The following ROBO1 variants were observed in gnomAD, a reference collection of about 807,000 sequenced individuals.
The protein encoded by ROBO1 is roundabout homolog 1.
In ROBO1, 149 loss-of-function variants were observed where a neutral mutation model predicts 195.9. The observed-to-expected ratio is 0.76, with a 90% CI of 0.67 to 0.87. The LOEUF (loss-of-function observed/expected upper bound fraction) is 0.87. Ranked by LOEUF, ROBO1 falls within the 40% of genes least tolerant of loss-of-function variation. ROBO1 has a pLI of 0.00. For synonymous variants in ROBO1, 816 were observed against 733.2 expected, an observed-to-expected ratio of 1.11 and a Z score of -1.82; for missense variants, 1,933 against 2,068.3, an observed-to-expected ratio of 0.93 and a Z score of 1.27.
chr3:79,178,690 G>A (rs562710660), intron 2 of ROBO1, among the ~76,000 whole-genome samples: 2 of 152,284 alleles, frequency 1.3e-5, no homozygotes, highest in Admixed American at 1.3e-4. Context: ...TTACTGCCAG[G>A]AGCTGCTGGG....
At chr3:78,627,709 G>T in intron 25 of ROBO1, 140 bp from the exon 26 acceptor site, 1 of 944,790 alleles carries the variant, frequency 1.1e-6, no homozygotes, top group Non-Finnish European at 1.5e-6. Flanking sequence ...ATTGAAAAAG[G>T]TTTTACCTCA....
At chr3:79,485,435 T>G (rs1939107825) in intron 2 of ROBO1, among the ~76,000 whole-genome samples, 1 of 152,156 alleles carries the variant, frequency 6.6e-6, no homozygotes, top group African/African-American at 2.4e-5. Flanking sequence ...AAGATTAAAA[T>G]AAAAACCATA....
intron 2 of ROBO1, among the ~76,000 whole-genome samples, chr3:79,191,780 G>C (rs910544514): frequency 6.6e-6 from 1 of 150,998 alleles, no homozygotes; most frequent in Non-Finnish European, 1.5e-5. Flanking sequence ...AAAATCAAAG[G>C]GTATCTTTTT....
At chr3:79,435,826 A>T (rs2038864840) in intron 2 of ROBO1, among the ~76,000 whole-genome samples, 1 of 152,170 alleles carries the variant, frequency 6.6e-6, no homozygotes, top group Non-Finnish European at 1.5e-5. Flanking sequence ...GCCAAGAGCA[A>T]AGTGAATGTA....
chr3:79,673,714 T>A lies in ROBO1; in HGVS notation c.-50-83753A>T, dbSNP rs116769164. Among the ~76,000 whole-genome samples, 1,154 of 152,154 alleles carry A rather than the reference T, an allele frequency of 7.6e-3. 15 individuals are homozygous for A. Among genetic ancestry groups the A allele is most frequent in the African/African-American group, 0.025 (1,036 of 41,560 alleles). On this transcript the variant is annotated intron_variant, in intron 1 of 30. Coordinates refer to ENST00000464233, the MANE Select transcript of ROBO1 (RefSeq NM_002941.4). ...ATTCGTCTGAGGTATTTTTGGCTTT[T>A]TAATTCAATCATTTCTAAACCAGAG...
intron 23 of ROBO1, 49 bp downstream of exon 23, chr3:78,635,724 C>A: frequency 6.7e-7 from 1 of 1,482,060 alleles, no homozygotes; most frequent in African/African-American, 1.4e-5. Context: ...AGTCGAGGTG[C>A]TGAGAGTATC....
chr3:79,021,485 T>C (rs1483781006), intron 3 of ROBO1, among the ~76,000 whole-genome samples: 1 of 152,120 alleles, frequency 6.6e-6, no homozygotes, highest in Admixed American at 6.5e-5. Context: ...AGGATCCCTA[T>C]TGCATTGTTC....
chr3:79,480,872 T>C (rs1017731068), intron 2 of ROBO1, among the ~76,000 whole-genome samples: 6 of 152,112 alleles, frequency 3.9e-5, no homozygotes, highest in Non-Finnish European at 5.9e-5. Flanking sequence ...ATGATTTCAT[T>C]TTATTTCTAA....
At chr3:78,918,204 C>A (rs923004869) in intron 4 of ROBO1, among the ~76,000 whole-genome samples, 3 of 152,088 alleles carry the variant, frequency 2.0e-5, no homozygotes, top group Non-Finnish European at 4.4e-5. Flanking sequence ...TAAAATAATT[C>A]TAATTTATTC....
intron 1 of ROBO1, among the ~76,000 whole-genome samples, chr3:79,591,939 T>C (rs1289818849): frequency 6.6e-6 from 1 of 151,782 alleles, no homozygotes; most frequent in East Asian, 1.9e-4. Flanking sequence ...ACCCTAGACC[T>C]CTGATTTCTT....
intron 2 of ROBO1, among the ~76,000 whole-genome samples, chr3:79,410,746 A>G (rs2037735413): frequency 6.6e-6 from 1 of 152,098 alleles, no homozygotes; most frequent in South Asian, 2.1e-4. Flanking sequence ...AAGGTCCAGT[A>G]ATAATTTGGT....
chr3:79,201,274 C>G (rs554635762), intron 2 of ROBO1, among the ~76,000 whole-genome samples: 1 of 152,038 alleles, frequency 6.6e-6, no homozygotes, highest in South Asian at 2.1e-4. Context: ...AACTGCAAAC[C>G]TTTCAGATAG....
At chr3:79,668,404 A>G (rs1222739626) in intron 1 of ROBO1, among the ~76,000 whole-genome samples, 1 of 105,900 alleles carries the variant, frequency 9.4e-6, no homozygotes, top group Non-Finnish European at 1.9e-5. Context: ...TGACTAGATT[A>G]TAAATAAGTC....
chr3:78,986,440 T>C (rs1042784251), intron 3 of ROBO1, among the ~76,000 whole-genome samples: 1 of 151,942 alleles, frequency 6.6e-6, no homozygotes, highest in African/African-American at 2.4e-5. Context: ...TCAACCATAC[T>C]GGCCAAATCC....
At chr3:79,390,600 T>C (rs1031916596) in intron 2 of ROBO1, among the ~76,000 whole-genome samples, 1 of 152,170 alleles carries the variant, frequency 6.6e-6, no homozygotes, top group Non-Finnish European at 1.5e-5. Context: ...CCAGTGATGC[T>C]GAGCAGCCTT....
At chr3:79,020,322 C>A (rs542628863) in intron 3 of ROBO1, among the ~76,000 whole-genome samples, 1 of 152,284 alleles carries the variant, frequency 6.6e-6, no homozygotes. Context: ...ACAAAAAATA[C>A]ACAAAGCAAA....
chr3:79,461,218 C>T (rs1367966424), intron 2 of ROBO1, among the ~76,000 whole-genome samples: 1 of 152,056 alleles, frequency 6.6e-6, no homozygotes, highest in Non-Finnish European at 1.5e-5. Flanking sequence ...TTCTTTGACA[C>T]TCTAAGAGAA....
At chr3:78,849,830 T>TTACACA (rs201665469) in intron 4 of ROBO1, among the ~76,000 whole-genome samples, 49,737 of 101,924 alleles carry the variant, frequency 0.49, 9,688 homozygotes, top group Non-Finnish European at 0.52. Context: ...CTCTCTCCCA[T>TTACACA]TACACACACA....
intron 2 of ROBO1, among the ~76,000 whole-genome samples, chr3:79,566,168 A>C (rs1943084106): frequency 6.6e-6 from 1 of 152,134 alleles, no homozygotes; most frequent in African/African-American, 2.4e-5. Flanking sequence ...TAGACCAAAA[A>C]GAAAAGTCTT....
Sources: allele counts gnomAD v4.1 joint callset (sites outside exome capture counted in the v4.1 genomes callset), GRCh38; gene constraint gnomAD v4.1.1; transcripts MANE v1.5; gene names NCBI Gene and HGNC (gene_info 2026-07-23, HGNC 2026-07-21).